CDH12: variants seen among roughly 807,000 people sequenced by gnomAD.
CDH12 encodes cadherin 12, also known as cadherin-12.
Under a neutral mutation model 74.1 loss-of-function variants are expected in CDH12, and 41 were observed. That is an observed-to-expected ratio of 0.55 (90% CI 0.43 to 0.72). The LOEUF (loss-of-function observed/expected upper bound fraction) is 0.72, where lower values mean the gene tolerates loss of function less well. Among genes scored for constraint, CDH12 ranks in the 30% least tolerant of loss-of-function variants. The probability of loss-of-function intolerance (pLI) is 0.00; values close to 1 mark genes in which losing one functional copy is unlikely to be tolerated. For synonymous variants in CDH12, 399 were observed against 355.0 expected (o/e 1.12, Z -1.39); for missense variants, 945 against 977.2 (o/e 0.97, Z 0.44).
chr5:22,688,096 G>C (rs1017721908), intron 1 of CDH12, among the ~76,000 whole-genome samples: 7 of 151,982 alleles, frequency 4.6e-5, no homozygotes, highest in Non-Finnish European at 1.0e-4. Context: ...TGACTGACAG[G>C]ACTCTTTTCC....
chr5:22,619,731 CAA>C (rs5866580), intron 1 of CDH12, among the ~76,000 whole-genome samples: 1 of 141,830 alleles, frequency 7.1e-6, no homozygotes, highest in African/African-American at 2.6e-5. Context: ...ATTTTCTAAA[CAA>C]AAAAAAAAAG....
At chr5:22,519,975 C>A (rs1031008002) in intron 1 of CDH12, among the ~76,000 whole-genome samples, 1 of 151,682 alleles carries the variant, frequency 6.6e-6, no homozygotes, top group African/African-American at 2.4e-5. Context: ...TTTTTTTTCT[C>A]TCTGGTTTAA....
intron 3 of CDH12, among the ~76,000 whole-genome samples, chr5:22,286,471 C>T (rs1737139057): frequency 6.6e-6 from 1 of 152,120 alleles, no homozygotes; most frequent in South Asian, 2.1e-4. Flanking sequence ...GGTTAAAGGA[C>T]AGCAGAGTCG....
chr5:22,469,612 A>G (rs1236054391), intron 2 of CDH12, among the ~76,000 whole-genome samples: 1 of 152,172 alleles, frequency 6.6e-6, no homozygotes. Context: ...GTACTGGGGC[A>G]TTAGAACCTC....
At chr5:22,616,495 A>AT in intron 1 of CDH12, among the ~76,000 whole-genome samples, 1 of 152,244 alleles carries the variant, frequency 6.6e-6, no homozygotes, top group South Asian at 2.1e-4. Flanking sequence ...ACATTTGGAA[A>AT]TTATTTGAAA....
chr5:22,187,432 C>T (rs1750020936), intron 4 of CDH12, among the ~76,000 whole-genome samples: 1 of 152,056 alleles, frequency 6.6e-6, no homozygotes, highest in Admixed American at 6.5e-5. Flanking sequence ...GTTTTTCTTT[C>T]ATGCCTCTCA....
chr5:22,508,259 G>T (rs770588654), intron 1 of CDH12, among the ~76,000 whole-genome samples: 9 of 152,084 alleles, frequency 5.9e-5, no homozygotes, highest in Non-Finnish European at 1.2e-4. Flanking sequence ...TATCTAAGGG[G>T]TCTGGAGAGT....
intron 1 of CDH12, among the ~76,000 whole-genome samples, chr5:22,531,770 T>C (rs2126704324): frequency 6.6e-6 from 1 of 152,128 alleles, no homozygotes; most frequent in Admixed American, 6.5e-5. Flanking sequence ...CCTTCCAATG[T>C]AAGGAAACAC....
chr5:22,188,880 A>G (rs1271678278), intron 4 of CDH12, among the ~76,000 whole-genome samples: 1 of 152,178 alleles, frequency 6.6e-6, no homozygotes, highest in Non-Finnish European at 1.5e-5. Flanking sequence ...AACTCTCCTA[A>G]TGTGAAGCTA....
chr5:22,120,043 T>C lies in CDH12; in HGVS notation c.-186-41181A>G, dbSNP rs568984793. 2.0e-4 allele frequency among the ~76,000 whole-genome samples: 31 copies of C among 152,294 alleles called. No homozygotes were observed. The South Asian group carries it at 5.2e-3, about 25-fold the overall frequency. ...CCTTGCTGCCTGTTACTGATTATTT[T>C]TGCACCCCTAGGAAATCAAGGGGAA... On this transcript the variant is annotated intron_variant, in intron 4 of 14. Transcript: ENST00000382254.
At chr5:21,889,268 T>C (rs1199431785) in intron 6 of CDH12, among the ~76,000 whole-genome samples, 3 of 152,192 alleles carry the variant, frequency 2.0e-5, no homozygotes, top group Non-Finnish European at 2.9e-5. Context: ...AATAAAAAAG[T>C]GTAAGAGCTA....
At chr5:22,284,467 G>T (rs545067185) in intron 3 of CDH12, among the ~76,000 whole-genome samples, 6 of 152,220 alleles carry the variant, frequency 3.9e-5, no homozygotes, top group African/African-American at 1.2e-4. Context: ...AGCTTCTTGA[G>T]AAATACTGGT....
At chr5:21,816,623 T>C (rs1243897483) in intron 9 of CDH12, among the ~76,000 whole-genome samples, 1 of 3,818 alleles carries the variant, frequency 2.6e-4, no homozygotes, top group Non-Finnish European at 1.0e-3. Context: ...CAACTCCATC[T>C]CAAAAAAAAA....
chr5:22,227,750 C>G (rs569647981), intron 3 of CDH12, among the ~76,000 whole-genome samples: 1 of 152,264 alleles, frequency 6.6e-6, no homozygotes, highest in African/African-American at 2.4e-5. Flanking sequence ...TGCCTGCATT[C>G]ACTTCCCAAC....
At chr5:22,094,146 G>T (rs1056644617) in intron 4 of CDH12, among the ~76,000 whole-genome samples, 2 of 152,094 alleles carry the variant, frequency 1.3e-5, no homozygotes, top group Non-Finnish European at 1.5e-5. Context: ...TTACACAGAT[G>T]AATTTTCCCA....
At chr5:22,670,370 A>G (rs1233174496) in intron 1 of CDH12, among the ~76,000 whole-genome samples, 2 of 152,172 alleles carry the variant, frequency 1.3e-5, no homozygotes, top group African/African-American at 2.4e-5. Context: ...TATGATTACA[A>G]AAGTATCATA....
At chr5:21,979,412 G>A (rs1232050662) in intron 5 of CDH12, among the ~76,000 whole-genome samples, 1 of 152,120 alleles carries the variant, frequency 6.6e-6, no homozygotes, top group Non-Finnish European at 1.5e-5. Context: ...CAGATGGTGC[G>A]TGAAAATGAG....
At chr5:21,973,559 G>T (rs1260929912) in intron 6 of CDH12, among the ~76,000 whole-genome samples, 1 of 152,120 alleles carries the variant, frequency 6.6e-6, no homozygotes. Flanking sequence ...TTTTATCCAA[G>T]GAGACGGAAT....
intron 1 of CDH12, among the ~76,000 whole-genome samples, chr5:22,664,416 G>C (rs1740503352): frequency 6.6e-6 from 1 of 152,096 alleles, no homozygotes; most frequent in South Asian, 2.1e-4. Context: ...GCGAAGGGGA[G>C]AAAAGCCCCT....
Sources: gnomAD v4.1 joint callset for allele counts (sites outside exome capture counted in the v4.1 genomes callset) on GRCh38, gnomAD v4.1.1 for gene constraint, MANE v1.5 for transcripts, NCBI Gene and HGNC (gene_info 2026-07-23, HGNC 2026-07-21) for gene names.